Variants in MAGI1 observed in about 807,000 individuals in gnomAD.
The protein encoded by MAGI1 is membrane associated guanylate kinase, WW and PDZ domain containing 1, also known as membrane-associated guanylate kinase, WW and PDZ domain-containing protein 1.
In MAGI1, 58 loss-of-function variants were observed where a neutral mutation model predicts 139.9. The ratio of observed to expected loss-of-function variants is 0.41; its 90% CI spans 0.34 to 0.52. The LOEUF (loss-of-function observed/expected upper bound fraction) is 0.52, where lower values mean the gene tolerates loss of function less well. Among genes scored for constraint, MAGI1 ranks in the 20% least tolerant of loss-of-function variants. The pLI, the probability that MAGI1 is intolerant of heterozygous loss-of-function variation, is 0.12. For missense variants in MAGI1, 1,874 were observed against 1,901.6 expected, an observed-to-expected ratio of 0.99 and a Z score of 0.27; for synonymous variants, 812 against 737.9, an observed-to-expected ratio of 1.10 and a Z score of -1.63.
chr3:65,805,378 C>A (rs1372878088), intron 1 of MAGI1, among the ~76,000 whole-genome samples: 1 of 152,116 alleles, frequency 6.6e-6, no homozygotes, highest in African/African-American at 2.4e-5. Flanking sequence ...CAAATCAAAA[C>A]CACAATGAAA....
intron 2 of MAGI1, among the ~76,000 whole-genome samples, chr3:65,538,774 G>A (rs985324193): frequency 6.6e-6 from 1 of 152,032 alleles, no homozygotes; most frequent in East Asian, 1.9e-4. Context: ...TTCTCTGTTC[G>A]ATCCTCAACA....
chr3:65,360,076 G>A (rs1328569932), intron 22 of MAGI1: 25 of 985,176 alleles, frequency 2.5e-5, no homozygotes, highest in South Asian at 4.7e-5. Context: ...CGGACCCCTC[G>A]TATTTTGCAC....
intron 1 of MAGI1, among the ~76,000 whole-genome samples, chr3:65,626,329 T>A (rs74618129): frequency 6.6e-6 from 1 of 152,152 alleles, no homozygotes; most frequent in African/African-American, 2.4e-5. Context: ...CATTTTACTT[T>A]TTTTATTTTT....
intron 1 of MAGI1, among the ~76,000 whole-genome samples, chr3:65,704,986 T>C (rs535420095): frequency 5.9e-5 from 9 of 152,172 alleles, no homozygotes; most frequent in African/African-American, 1.9e-4. Context: ...CAATTAAAAA[T>C]GGCTCTGCCT....
intron 1 of MAGI1, among the ~76,000 whole-genome samples, chr3:65,680,795 T>TATGATATATGATATG (rs58365928): frequency 4.0e-4 from 60 of 151,270 alleles, no homozygotes; most frequent in African/African-American, 1.4e-3. Flanking sequence ...TATGATATGA[T>TATGATATATGATATG]ATACTTTAAT....
chr3:66,008,927 A>C (rs918505537), intron 1 of MAGI1: 1 of 152,216 alleles, frequency 6.6e-6, no homozygotes, highest in Non-Finnish European at 1.5e-5. Context: ...AGAGAAAAGA[A>C]GGTATAGGCA....
chr3:65,370,409 C>T (rs1941870861), intron 18 of MAGI1, among the ~76,000 whole-genome samples: 1 of 152,216 alleles, frequency 6.6e-6, no homozygotes, highest in African/African-American at 2.4e-5. Flanking sequence ...GATGAAATCA[C>T]ATGCTCAGCA....
In MAGI1 at chr3:65,954,340, A is replaced by C. The variant is rs144350086; in HGVS notation, c.313+83656T>G. The C allele has an allele frequency of 3.1e-3, 471 of 152,670 alleles. 2 individuals are homozygous for C. Among genetic ancestry groups the C allele is most frequent in the Middle Eastern group, 0.01 (3 of 294 alleles). The allele number at this position is 152,670 out of a possible 1,614,324, so 9.5% of individuals were successfully genotyped here. On this transcript the variant is annotated intron_variant, in intron 1 of 22. Transcript: ENST00000402939. ...TTTGTGGGAAAGAAAGCCAGGGCCT[A>C]GGCAGCAGGCCAGCTAGAACGGGGT...
At chr3:65,686,999 A>G (rs2088104363) in intron 1 of MAGI1, among the ~76,000 whole-genome samples, 1 of 152,208 alleles carries the variant, frequency 6.6e-6, no homozygotes. Flanking sequence ...GATTCTATGT[A>G]TAGGTGCAAG....
rs186157932 is a variant in MAGI1, at chr3:65,488,366, T to C, written c.550+5146A>G. 2.0e-5 allele frequency among the ~76,000 whole-genome samples: 3 copies of C among 152,228 alleles called. No individual in the cohort carries two copies. In the East Asian group the frequency reaches 5.8e-4, roughly 29 times the overall value. Reference sequence around the variant, plus strand: ...TTTTTTTGTTTTTTGAGACAGGGTCTCACTTTGTCACCCAGGCTGGAGTGC... The same window carrying C: ...TTTTTTTGTTTTTTGAGACAGGGTCCCACTTTGTCACCCAGGCTGGAGTGC... On this transcript the variant is annotated intron_variant, in intron 3 of 22. Transcript: ENST00000402939.
chr3:65,732,488 A>T (rs554656250), intron 1 of MAGI1, among the ~76,000 whole-genome samples: 1 of 152,324 alleles, frequency 6.6e-6, no homozygotes, highest in Non-Finnish European at 1.5e-5. Flanking sequence ...ATCCTTCCCC[A>T]GACTCTCTAA....
At chr3:65,393,960 T>C (rs539623331) in intron 13 of MAGI1, among the ~76,000 whole-genome samples, 1 of 152,328 alleles carries the variant, frequency 6.6e-6, no homozygotes, top group South Asian at 2.1e-4. Context: ...AATATCCTTC[T>C]GGCATCCCTG....
chr3:65,839,607 G>A (rs1342412959), intron 1 of MAGI1, among the ~76,000 whole-genome samples: 2 of 152,038 alleles, frequency 1.3e-5, no homozygotes, highest in Admixed American at 1.3e-4. Flanking sequence ...AACTCAAAAT[G>A]GATCAGAGAT....
At chr3:65,739,497 C>T (rs113784529) in intron 1 of MAGI1, among the ~76,000 whole-genome samples, 12 of 152,332 alleles carry the variant, frequency 7.9e-5, no homozygotes, top group African/African-American at 2.4e-4. Flanking sequence ...GCATTCACAA[C>T]TTAGTTAACT....
intron 1 of MAGI1, among the ~76,000 whole-genome samples, chr3:65,719,443 C>T: frequency 6.6e-6 from 1 of 151,682 alleles, no homozygotes; most frequent in East Asian, 1.9e-4. Context: ...CAATTTACAT[C>T]ATACATTGTG....
At chr3:65,605,878 C>T (rs1576456364) in intron 2 of MAGI1, among the ~76,000 whole-genome samples, 4 of 152,332 alleles carry the variant, frequency 2.6e-5, no homozygotes, top group African/African-American at 9.6e-5. Context: ...AAGTCCACTT[C>T]TACCCACAAC....
At chr3:65,359,258 A>G in intron 22 of MAGI1, 1 of 1,545,716 alleles carries the variant, frequency 6.5e-7, no homozygotes, top group Non-Finnish European at 8.7e-7. Context: ...GGAAAGAAAA[A>G]AAATCTACAT....
intron 1 of MAGI1, among the ~76,000 whole-genome samples, chr3:65,858,829 T>C (rs2059450832): frequency 6.6e-6 from 1 of 152,244 alleles, no homozygotes; most frequent in African/African-American, 2.4e-5. Flanking sequence ...AAAATAGTAA[T>C]AAATCAAATC....
chr3:65,361,428 T>C, intron 21 of MAGI1, 91 bp from the exon 22 acceptor site: 2 of 1,309,106 alleles, frequency 1.5e-6, no homozygotes. Context: ...CATCTATTGC[T>C]TTGGAGGTGG....
Sources: allele counts gnomAD v4.1 joint callset (sites outside exome capture counted in the v4.1 genomes callset), GRCh38; gene constraint gnomAD v4.1.1; transcripts MANE v1.5; gene names NCBI Gene and HGNC (gene_info 2026-07-23, HGNC 2026-07-21).